The following IL1RAPL2 variants were observed in gnomAD, a reference collection of about 807,000 sequenced individuals.
The protein encoded by IL1RAPL2 is interleukin 1 receptor accessory protein like 2.
A neutral mutation model predicts 44.1 loss-of-function variants in IL1RAPL2; 3 were observed. The ratio of observed to expected loss-of-function variants is 0.07; its 90% CI spans 0.03 to 0.18. The LOEUF (loss-of-function observed/expected upper bound fraction) is 0.18, where lower values mean the gene tolerates loss of function less well. Ranked by LOEUF, IL1RAPL2 falls within the 10% of genes least tolerant of loss-of-function variation. IL1RAPL2 has a pLI of 1.00. For synonymous variants in IL1RAPL2, 181 were observed against 178.8 expected, an observed-to-expected ratio of 1.01 and a Z score of -0.10; for missense variants, 391 against 496.4, an observed-to-expected ratio of 0.79 and a Z score of 2.02.
At chrX:105,143,863 T>C (rs2033150990) in intron 2 of IL1RAPL2, among the ~76,000 whole-genome samples, 1 of 109,893 alleles carries the variant, frequency 9.1e-6, no homozygotes, top group African/African-American at 3.3e-5. Flanking sequence ...AGGGGAGGGA[T>C]AGCATTAGGA....
intron 2 of IL1RAPL2, among the ~76,000 whole-genome samples, chrX:104,976,764 G>A (rs772220279): frequency 4.5e-5 from 5 of 110,745 alleles, no homozygotes; most frequent in African/African-American, 1.6e-4. Flanking sequence ...GAGTATCTGT[G>A]GGGCATCCAA....
rs372281482 is a variant in IL1RAPL2, at chrX:105,365,520, C to T, written c.697+97979C>T. Among the ~76,000 whole-genome samples the T allele has an allele frequency of 6.3e-5, 7 of 111,210 alleles. 2 individuals are homozygous for T. Among genetic ancestry groups the T allele is most frequent in the Admixed American group, 2.9e-4 (3 of 10,388 alleles). ...TGGTAGAATTCAGCAGCAAAACCAACAGACTCTTGGCTTTTCTTTAATGGG... is the reference window on the plus strand; with the variant it reads ...TGGTAGAATTCAGCAGCAAAACCAATAGACTCTTGGCTTTTCTTTAATGGG... On this transcript the variant is annotated intron_variant, in intron 5 of 10. Transcript: ENST00000372582.
chrX:105,046,821 C>CCTTTT (rs2031843718), intron 2 of IL1RAPL2, among the ~76,000 whole-genome samples: 1 of 76,838 alleles, frequency 1.3e-5, no homozygotes, highest in African/African-American at 5.1e-5. Flanking sequence ...AAGCACTAAC[C>CCTTTT]TTTTTTTTTT....
intron 2 of IL1RAPL2, among the ~76,000 whole-genome samples, chrX:104,931,397 G>T (rs1368192316): frequency 9.3e-6 from 1 of 107,070 alleles, no homozygotes; most frequent in Non-Finnish European, 1.9e-5. Flanking sequence ...AAAAAAGCCA[G>T]TGAACTGCTA....
chrX:105,030,381 C>G (rs2031466396), intron 2 of IL1RAPL2, among the ~76,000 whole-genome samples: 1 of 111,664 alleles, frequency 9.0e-6, no homozygotes, highest in African/African-American at 3.3e-5. Context: ...GGTTTTAGGT[C>G]TAACATGTAA....
intron 2 of IL1RAPL2, among the ~76,000 whole-genome samples, chrX:105,064,667 TATC>T (rs762133960): frequency 6.2e-5 from 7 of 112,344 alleles, no homozygotes; most frequent in Admixed American, 2.8e-4. Context: ...TTAAAGAAAA[TATC>T]ATTCAAAAAT....
At chrX:104,701,444 G>A (rs138912555) in intron 2 of IL1RAPL2, among the ~76,000 whole-genome samples, 224 of 110,965 alleles carry the variant, frequency 2.0e-3, no homozygotes, top group African/African-American at 6.9e-3. Flanking sequence ...TGAGTATCCC[G>A]TACCCCAAAT....
intron 2 of IL1RAPL2, among the ~76,000 whole-genome samples, chrX:104,890,512 T>A (rs1027963206): frequency 1.8e-5 from 2 of 112,291 alleles, no homozygotes; most frequent in Admixed American, 1.9e-4. Flanking sequence ...AGATGGTATC[T>A]CATTGTGGTT....
intron 5 of IL1RAPL2, among the ~76,000 whole-genome samples, chrX:105,330,316 G>A (rs147448451): frequency 1.4e-3 from 155 of 111,096 alleles, no homozygotes; most frequent in African/African-American, 4.8e-3. Context: ...TTTATGTGCA[G>A]TGGTTTTCTG....
chrX:105,259,527 C>T (rs7060523), intron 4 of IL1RAPL2, among the ~76,000 whole-genome samples: 2,126 of 111,154 alleles, frequency 0.019, 57 homozygotes, highest in African/African-American at 0.067. Flanking sequence ...GAGCTCCACT[C>T]GAGAGAGGTG....
rs970823045 is a variant in IL1RAPL2 at position 105,327,628 on chromosome X, G to T, written c.697+60087G>T. On this transcript the variant is annotated intron_variant, in intron 5 of 10. Coordinates refer to ENST00000372582, the MANE Select transcript of IL1RAPL2 (RefSeq NM_017416.2). The stretch of plus-strand genomic sequence containing the variant: ...TATAAGATTCCTTCTAGATATCTGT[G>T]TGCATCCTCCTTTCATACCATGGGA... Among the ~76,000 whole-genome samples, 19 of 111,618 alleles carry T rather than the reference G, an allele frequency of 1.7e-4. No homozygotes were observed. In the Admixed American group the frequency reaches 1.7e-3, roughly 10 times the overall value.
chrX:104,888,650 A>G (rs770602112), intron 2 of IL1RAPL2, among the ~76,000 whole-genome samples: 10 of 110,806 alleles, frequency 9.0e-5, no homozygotes, highest in Non-Finnish European at 1.9e-4. Flanking sequence ...AACCAGTCCA[A>G]TCCTTCCCTG....
intron 6 of IL1RAPL2, among the ~76,000 whole-genome samples, chrX:105,619,754 G>A (rs1303609413): frequency 9.0e-6 from 1 of 111,208 alleles, no homozygotes; most frequent in East Asian, 2.8e-4. Flanking sequence ...TGCTTTGGAT[G>A]TAGATTCAAT....
rs144107198 is a variant in IL1RAPL2 at position 104,641,840 on chromosome X, G to A, written c.-19-17055G>A. Reference sequence around the variant, plus strand: ...GTTTCCATAATGCCCCAGTTCCAGTGCTGTTGGGCTCCAGGACTGTGTTCA... The same window carrying A: ...GTTTCCATAATGCCCCAGTTCCAGTACTGTTGGGCTCCAGGACTGTGTTCA... On this transcript the variant is annotated intron_variant, in intron 1 of 10. Coordinates refer to ENST00000372582, the MANE Select transcript of IL1RAPL2 (RefSeq NM_017416.2). 6.1e-3 allele frequency among the ~76,000 whole-genome samples: 680 copies of A among 111,663 alleles called. 4 individuals carry two copies. The highest frequency in any genetic ancestry group is 0.018 in the Middle Eastern group (4 of 218).
intron 5 of IL1RAPL2, among the ~76,000 whole-genome samples, chrX:105,341,353 T>TA (rs1459265825): frequency 5.5e-5 from 6 of 109,594 alleles, no homozygotes; most frequent in East Asian, 2.8e-4. Flanking sequence ...CTTTTTTTTT[T>TA]ACTGAAGATT....
At chrX:105,616,760 TA>T (rs2037379565) in intron 6 of IL1RAPL2, among the ~76,000 whole-genome samples, 1 of 111,538 alleles carries the variant, frequency 9.0e-6, no homozygotes, top group South Asian at 3.8e-4. Context: ...GTCTTTTGAA[TA>T]ATAGAAATTT....
chrX:104,647,381 T>A, intron 1 of IL1RAPL2: 1 of 541,691 alleles, frequency 1.8e-6, no homozygotes, highest in Non-Finnish European at 3.3e-6. Context: ...GGCTGCTATT[T>A]TCTGCTGCTC....
intron 5 of IL1RAPL2, among the ~76,000 whole-genome samples, chrX:105,449,582 T>G (rs2036003249): frequency 1.1e-5 from 1 of 90,703 alleles, no homozygotes; most frequent in Admixed American, 1.2e-4. Flanking sequence ...AGACTCCGTC[T>G]CAAAAAAAAA....
chrX:105,170,091 A>G (rs757186692), intron 2 of IL1RAPL2, among the ~76,000 whole-genome samples: 6 of 111,420 alleles, frequency 5.4e-5, no homozygotes, highest in Admixed American at 9.6e-5. Context: ...CTAACTTGTT[A>G]TAAAAAGCTT....
Sources: gnomAD v4.1 joint callset for allele counts (sites outside exome capture counted in the v4.1 genomes callset) on GRCh38, gnomAD v4.1.1 for gene constraint, MANE v1.5 for transcripts, NCBI Gene and HGNC (gene_info 2026-07-23, HGNC 2026-07-21) for gene names.